Variants in NACC2 observed in about 807,000 individuals in gnomAD.
The protein encoded by NACC2 is nucleus accumbens-associated protein 2.
NACC2 carries 8 observed loss-of-function variants against 25.1 expected under a neutral mutation model. The observed-to-expected ratio is 0.32, with a 90% CI of 0.19 to 0.57. The LOEUF (loss-of-function observed/expected upper bound fraction) is 0.57, where lower values mean the gene tolerates loss of function less well. NACC2 is among the 20% of genes least tolerant of loss of function. The pLI, the probability that NACC2 is intolerant of heterozygous loss-of-function variation, is 0.89. For synonymous variants in NACC2, 435 were observed against 294.7 expected, an observed-to-expected ratio of 1.48 and a Z score of -4.88; for missense variants, 644 against 650.2, an observed-to-expected ratio of 0.99 and a Z score of 0.10.
chr9:136,051,572 C>G (rs1472403262), intron 1 of NACC2, among the ~76,000 whole-genome samples: 2 of 151,886 alleles, frequency 1.3e-5, no homozygotes, highest in African/African-American at 4.8e-5. Flanking sequence ...ACAAAGGCCG[C>G]TGTGTCCCAC....
intron 1 of NACC2, among the ~76,000 whole-genome samples, chr9:136,081,861 AC>A (rs1281149909): frequency 8.3e-6 from 1 of 120,094 alleles, no homozygotes; most frequent in Non-Finnish European, 1.7e-5. Flanking sequence ...GCCAGCCCCC[AC>A]CCCCGCCCAC....
intron 2 of NACC2, among the ~76,000 whole-genome samples, chr9:136,024,503 A>ATGTGTGTGTGTGTGTGTG (rs139555936): frequency 5.6e-5 from 7 of 124,662 alleles, no homozygotes; most frequent in African/African-American, 2.2e-4. Context: ...TGAGGACAGA[A>ATGTGTGTGTGTGTGTGTG]TGTGTGTGTG....
At position 136,049,631 on chromosome 9, in the gene NACC2, G is replaced by T. The variant is rs929727200; in HGVS notation, c.886+5C>A. 3.9e-6 allele frequency: 3 copies of T among 774,584 alleles called. No individual in the cohort carries two copies. Among genetic ancestry groups the T allele is most frequent in the Non-Finnish European group, 7.2e-6 (3 of 415,418 alleles). The allele number at this position is 774,584 out of a possible 1,614,324, so 48.0% of individuals were successfully genotyped here. ...GTGGTGTGGGGCTCCACCCCGCCGC[G>T]TTACCTGCATAGCTGCCGGAGGCCT... On this transcript the variant is annotated splice_donor_5th_base_variant and intron_variant, in intron 2 of 5. Transcript: ENST00000277554.
At chr9:136,083,213 G>C (rs926418794) in intron 1 of NACC2, among the ~76,000 whole-genome samples, 1 of 152,238 alleles carries the variant, frequency 6.6e-6, no homozygotes, top group Non-Finnish European at 1.5e-5. Context: ...GCTCAGGGGA[G>C]CTGGTGGGGG....
intron 2 of NACC2, among the ~76,000 whole-genome samples, chr9:136,036,418 G>GA (rs1453475142): frequency 6.6e-6 from 1 of 152,008 alleles, no homozygotes; most frequent in African/African-American, 2.4e-5. Flanking sequence ...TCAGTAAACA[G>GA]AAACAGACCA....
chr9:136,048,289 G>C (rs1840759288), intron 2 of NACC2, among the ~76,000 whole-genome samples: 1 of 152,198 alleles, frequency 6.6e-6, no homozygotes, highest in African/African-American at 2.4e-5. Context: ...TGTCAGCAGG[G>C]GCAGAGGGAA....
At position 136,070,364 on chromosome 9, in the gene NACC2, C is replaced by T. The variant is rs537338661; in HGVS notation, c.-59-19784G>A. ...CTACTAAAAATGCAAAAAAATTAGC[C>T]GGGCGTGGTGGTGGGCGCCTATAAT... On this transcript the variant is annotated intron_variant, in intron 1 of 5. Coordinates refer to ENST00000277554, the MANE Select transcript of NACC2 (RefSeq NM_144653.5). 4.4e-4 allele frequency among the ~76,000 whole-genome samples: 66 copies of T among 151,708 alleles called. No homozygotes were observed. In the South Asian group the frequency reaches 0.013, roughly 29 times the overall value.
At chr9:136,076,288 C>A (rs531877820) in intron 1 of NACC2, among the ~76,000 whole-genome samples, 42 of 152,198 alleles carry the variant, frequency 2.8e-4, no homozygotes, top group Non-Finnish European at 5.6e-4. Flanking sequence ...ATCTATCCAG[C>A]CTCCTCTCCT....
At chr9:136,027,321 C>G (rs1003604554) in intron 2 of NACC2, among the ~76,000 whole-genome samples, 3 of 152,132 alleles carry the variant, frequency 2.0e-5, no homozygotes, top group Admixed American at 1.3e-4. Context: ...AAGAGATGTA[C>G]CAGGTAAATA....
intron 1 of NACC2, among the ~76,000 whole-genome samples, chr9:136,067,790 G>A (rs12685144): frequency 0.23 from 35,168 of 152,158 alleles, 4,134 homozygotes; most frequent in East Asian, 0.3. Flanking sequence ...AGCCGAGATC[G>A]CGGCACTGCC....
intron 1 of NACC2, among the ~76,000 whole-genome samples, chr9:136,085,825 A>C (rs1228489479): frequency 6.6e-6 from 1 of 152,264 alleles, no homozygotes; most frequent in African/African-American, 2.4e-5. Flanking sequence ...CTGGGTAGCC[A>C]GGTGGGGTAG....
chr9:136,037,470 A>G (rs1840570927), intron 2 of NACC2, among the ~76,000 whole-genome samples: 1 of 151,594 alleles, frequency 6.6e-6, no homozygotes, highest in Non-Finnish European at 1.5e-5. Flanking sequence ...CTAAGCTGCC[A>G]TGAACATGTG....
chr9:136,056,477 C>T (rs1840926534), intron 1 of NACC2, among the ~76,000 whole-genome samples: 1 of 152,212 alleles, frequency 6.6e-6, no homozygotes, highest in Non-Finnish European at 1.5e-5. Flanking sequence ...CATCATCCTT[C>T]CTGGGTGGTC....
At chr9:136,070,681 CAAA>C in intron 1 of NACC2, among the ~76,000 whole-genome samples, 1 of 127,506 alleles carries the variant, frequency 7.8e-6, no homozygotes, top group African/African-American at 2.9e-5. Flanking sequence ...AAAAAAAAAA[CAAA>C]AACCAAAAAC....
rs537992696 is a variant in NACC2 at position 136,086,618 on chromosome 9, C to T, written c.-60+8571G>A. On this transcript the variant is annotated intron_variant, in intron 1 of 5. Transcript: ENST00000277554. This position sits in a 1 kb window ranked among gnomAD's most constrained non-coding sequence, Gnocchi z 5.6. ...GCCACTTCCTATGACATGGACTCAC[C>T]GCCTAAACTGGGTTACAATAATTAA... is the stretch of plus-strand genomic sequence containing the variant. Among the ~76,000 whole-genome samples the T allele has an allele frequency of 3.3e-4, 51 of 152,336 alleles. No homozygotes were observed. Among genetic ancestry groups the T allele is most frequent in the African/African-American group, 1.2e-3 (49 of 41,572 alleles).
At chr9:136,044,555 G>A (rs1173423733) in intron 2 of NACC2, among the ~76,000 whole-genome samples, 2 of 152,112 alleles carry the variant, frequency 1.3e-5, no homozygotes, top group African/African-American at 2.4e-5. Flanking sequence ...AGAGATGAAG[G>A]CACCCTCTGC....
At chr9:136,073,529 C>T (rs1428002902) in intron 1 of NACC2, among the ~76,000 whole-genome samples, 2 of 152,056 alleles carry the variant, frequency 1.3e-5, no homozygotes, top group East Asian at 3.9e-4. Flanking sequence ...GAGTATAGTC[C>T]TGCCCATCAG....
At chr9:136,054,210 C>T (rs1254849296) in intron 1 of NACC2, among the ~76,000 whole-genome samples, 3 of 152,210 alleles carry the variant, frequency 2.0e-5, no homozygotes, top group Non-Finnish European at 4.4e-5. Flanking sequence ...ACGCCCAGCC[C>T]AGTTCGGCCT....
intron 3 of NACC2, among the ~76,000 whole-genome samples, chr9:136,015,815 C>A (rs966514865): frequency 6.6e-6 from 1 of 152,218 alleles, no homozygotes; most frequent in Non-Finnish European, 1.5e-5. Flanking sequence ...GAATCCAACA[C>A]AAAAGGTAAA....
Sources: gnomAD v4.1 joint callset for allele counts (sites outside exome capture counted in the v4.1 genomes callset) on GRCh38, gnomAD v4.1.1 for gene constraint, Gnocchi (gnomAD v3.1) non-coding constraint, MANE v1.5 for transcripts, NCBI Gene and HGNC (gene_info 2026-07-23, HGNC 2026-07-21) for gene names.